ZNF169: variants seen among roughly 807,000 people sequenced by gnomAD.
ZNF169 encodes the protein zinc finger protein 169.
ZNF169 carries 11 observed loss-of-function variants against 12.0 expected under a neutral mutation model. That is an observed-to-expected ratio of 0.92 (90% CI 0.58 to 1.52). The LOEUF is 1.52. Among genes scored for constraint, ZNF169 ranks in the 40% most tolerant of loss-of-function variants. The pLI, the probability that ZNF169 is intolerant of heterozygous loss-of-function variation, is 0.00. For missense variants in ZNF169, 722 were observed against 744.0 expected, an observed-to-expected ratio of 0.97 and a Z score of 0.34; for synonymous variants, 302 against 286.5, an observed-to-expected ratio of 1.05 and a Z score of -0.55.
At position 94,286,522 on chromosome 9, in the gene ZNF169, G is replaced by A. The variant is rs139497914; in HGVS notation, c.34-5819G>A. Reference sequence around the variant, plus strand: ...TGGTGGGAAGTGATTGGATCAGGGCGGTGGATTTTTGAGGTTTCAATATTT... The same window carrying A: ...TGGTGGGAAGTGATTGGATCAGGGCAGTGGATTTTTGAGGTTTCAATATTT... On this transcript the variant is annotated intron_variant, in intron 2 of 4. Coordinates refer to ENST00000395395, the MANE Select transcript of ZNF169 (RefSeq NM_194320.4). 7.9e-5 allele frequency among the ~76,000 whole-genome samples: 12 copies of A among 152,092 alleles called. No individual in the cohort carries two copies. The East Asian group carries it at 1.5e-3, about 20-fold the overall frequency.
chr9:94,282,367 G>A (rs1830654978), intron 2 of ZNF169, among the ~76,000 whole-genome samples: 1 of 152,148 alleles, frequency 6.6e-6, no homozygotes, highest in Non-Finnish European at 1.5e-5. Context: ...ATACATTTTA[G>A]GGAGACATGC....
intron 1 of ZNF169, among the ~76,000 whole-genome samples, chr9:94,263,689 A>T (rs1441659344): frequency 2.0e-5 from 3 of 152,044 alleles, no homozygotes; most frequent in Non-Finnish European, 4.4e-5. Flanking sequence ...GTGCCCAGCC[A>T]GTCTGTGCCT....
intron 1 of ZNF169, 88 bp from the exon 2 acceptor site, chr9:94,278,670 C>G: frequency 1.5e-6 from 1 of 683,646 alleles, no homozygotes; most frequent in Non-Finnish European, 2.5e-6. Context: ...TTCCCTGTTC[C>G]TCTACTCCCT....
chr9:94,283,973 G>A (rs1830681026), intron 2 of ZNF169, among the ~76,000 whole-genome samples: 1 of 150,042 alleles, frequency 6.7e-6, no homozygotes, highest in Admixed American at 6.7e-5. Context: ...CTGGGAGGCT[G>A]AGGCAGGAGA....
rs574274027 is a variant in ZNF169, at chr9:94,296,332, T to C, written c.256+3263T>C. 4.6e-5 allele frequency among the ~76,000 whole-genome samples: 7 copies of C among 152,340 alleles called. No homozygotes were observed. In the East Asian group the frequency reaches 9.6e-4, roughly 21 times the overall value. On this transcript the variant is annotated intron_variant, in intron 4 of 4. Coordinates refer to ENST00000395395, the MANE Select transcript of ZNF169 (RefSeq NM_194320.4). ...TTCTGTGGTTTACTTTCTATAATCT[T>C]AATAGTGCCTTTCAAAGAGAAATTT...
chr9:94,292,119 A>G (rs995182768), intron 2 of ZNF169, among the ~76,000 whole-genome samples: 9 of 152,340 alleles, frequency 5.9e-5, no homozygotes, highest in Admixed American at 5.2e-4. Flanking sequence ...TGTGTGTTTG[A>G]TCAGCACAAC....
At position 94,300,000 on chromosome 9, in the gene ZNF169, G is replaced by A. The variant is rs766054535; in HGVS notation, c.442G>A (p.Gly148Ser). ...SEKGESGETEGPDSSLRKRPS... is the reference protein window; with the variant it reads ...SEKGESGETESPDSSLRKRPS... ...AAAAGGAGAAAGTGGAGAGACAGAA[G>A]GCCCCGACAGCTCATTAAGAAAGAG... Residue 148 changes from glycine (G) to serine (S), a missense_variant, in exon 5 of 5, where the codon GGC becomes AGC. Gly to Ser is a moderately conservative substitution (Grantham distance 56). Transcript: ENST00000395395. 12 of 1,614,146 alleles carry A rather than the reference G, an allele frequency of 7.4e-6. No individual in the cohort carries two copies. In the Admixed American group the frequency reaches 2.0e-4, roughly 27 times the overall value.
rs1360733664 is a variant in ZNF169, at chr9:94,270,715, TATA to T, written c.-55-8039_-55-8037del. Among the ~76,000 whole-genome samples the T allele has an allele frequency of 2.5e-4, 8 of 31,616 alleles. 2 individuals carry two copies. In the East Asian group the frequency reaches 8.0e-3, roughly 32 times the overall value. 20.7% of individuals were successfully genotyped at this position (31,616 alleles called of 152,430 possible). A position where few individuals can be genotyped will look rare whatever the true frequency, so the allele number is the denominator to read the frequency against. On this transcript the variant is annotated intron_variant, in intron 1 of 4. Coordinates refer to ENST00000395395, the MANE Select transcript of ZNF169 (RefSeq NM_194320.4). ...ATATAATTTATATAATTATATAATA[TATA>T]ATATTATATATTATATAATTAATGT...
chr9:94,289,506 A>G (rs1447663916), intron 2 of ZNF169, among the ~76,000 whole-genome samples: 1 of 151,966 alleles, frequency 6.6e-6, no homozygotes, highest in Non-Finnish European at 1.5e-5. Context: ...AAGCTATACA[A>G]TGGCCGGGCA....
intron 1 of ZNF169, among the ~76,000 whole-genome samples, chr9:94,259,643 C>A (rs999288424): frequency 1.7e-4 from 26 of 152,128 alleles, no homozygotes; most frequent in Non-Finnish European, 3.5e-4. Context: ...GGACCGACTT[C>A]CCGAGCTACT....
intron 1 of ZNF169, among the ~76,000 whole-genome samples, chr9:94,267,344 A>T (rs1247608653): frequency 6.6e-6 from 1 of 152,228 alleles, no homozygotes; most frequent in African/African-American, 2.4e-5. Context: ...TCTTGGCTTC[A>T]TAAGTGAACT....
intron 1 of ZNF169, among the ~76,000 whole-genome samples, chr9:94,270,352 T>G (rs1374281683): frequency 6.6e-6 from 1 of 151,974 alleles, no homozygotes; most frequent in African/African-American, 2.4e-5. Context: ...TTCACTTCTT[T>G]TCTACTCTTT....
At chr9:94,292,641 G>A (rs865839010) in intron 3 of ZNF169, 174 bp downstream of exon 3, 3 of 721,216 alleles carry the variant, frequency 4.2e-6, no homozygotes, top group African/African-American at 5.1e-5. Flanking sequence ...GTGTGTGTGT[G>A]CGCGTGCACA....
At chr9:94,293,166 CT>C (rs1830884262) in intron 4 of ZNF169, 97 bp downstream of exon 4, 1 of 1,078,856 alleles carries the variant, frequency 9.3e-7, no homozygotes, top group South Asian at 1.3e-5. Context: ...GGAGGAAGTT[CT>C]TCTTCAGGCC....
rs192240598 is a variant in ZNF169 at position 94,291,124 on chromosome 9, G to A, written c.34-1217G>A. On this transcript the variant is annotated intron_variant, in intron 2 of 4. Coordinates refer to ENST00000395395, the MANE Select transcript of ZNF169 (RefSeq NM_194320.4). ...GGCTGGAGTGTAGTGGTGTAATCTC[G>A]GCTCACTGCAACCTCCGCCTCCCAG... Among the ~76,000 whole-genome samples, 324 of 137,282 alleles carry A rather than the reference G, an allele frequency of 2.4e-3. 3 individuals are homozygous for A. The highest frequency in any genetic ancestry group is 8.4e-3 in the African/African-American group (311 of 37,178). The allele number at this position is 137,282 out of a possible 152,430, so 90.1% of individuals were successfully genotyped here.
chr9:94,277,424 A>C (rs1830542876), intron 1 of ZNF169, among the ~76,000 whole-genome samples: 1 of 152,154 alleles, frequency 6.6e-6, no homozygotes, highest in Admixed American at 6.5e-5. Flanking sequence ...TAGAATATGG[A>C]TTTTTCCCAC....
intron 1 of ZNF169, among the ~76,000 whole-genome samples, chr9:94,272,447 C>A (rs1396302224): frequency 6.6e-6 from 1 of 152,054 alleles, no homozygotes; most frequent in African/African-American, 2.4e-5. Flanking sequence ...CATTCTTTTC[C>A]TCTTCCCCAT....
At position 94,300,163 on chromosome 9, in the gene ZNF169, A is replaced by G. The variant is rs1467126269; in HGVS notation, c.605A>G (p.Lys202Arg). ...CTTGGGGGGTCAGACACAATGTTGA[A>G]GGGAGCAGACACTTCAGAATCTGGA... The part of the protein sequence containing the change: ...MSLGGSDTML[K>R]GADTSESGAV... The change falls in exon 5 of 5, where the codon AAG becomes AGG. Residue 202 changes from lysine to arginine, a missense_variant. Transcript: ENST00000395395. The G allele has an allele frequency of 1.2e-6, 2 of 1,614,032 alleles. No homozygotes were observed. Among genetic ancestry groups the G allele is most frequent in the African/African-American group, 2.7e-5 (2 of 74,920 alleles).
chr9:94,284,858 G>GTT (rs201985335), intron 2 of ZNF169, among the ~76,000 whole-genome samples: 1 of 149,746 alleles, frequency 6.7e-6, no homozygotes, highest in Non-Finnish European at 1.5e-5. Flanking sequence ...TTCCAATGGT[G>GTT]TTTTTTTTTC....
Sources: gnomAD v4.1 joint callset for allele counts (sites outside exome capture counted in the v4.1 genomes callset) on GRCh38, gnomAD v4.1.1 for gene constraint, MANE v1.5 for transcripts, NCBI Gene and HGNC (gene_info 2026-07-23, HGNC 2026-07-21) for gene names.